The following HECTD3 variants were observed in gnomAD, a reference collection of about 807,000 sequenced individuals.
HECTD3 encodes HECT domain E3 ubiquitin protein ligase 3.
A neutral mutation model predicts 109.3 loss-of-function variants in HECTD3; 72 were observed. The ratio of observed to expected loss-of-function variants is 0.66; its 90% CI spans 0.54 to 0.80. HECTD3 has a LOEUF of 0.80. HECTD3 is among the 30% of genes least tolerant of loss of function. The pLI, the probability that HECTD3 is intolerant of heterozygous loss-of-function variation, is 0.00. For synonymous variants in HECTD3, 481 were observed against 471.8 expected, an observed-to-expected ratio of 1.02 and a Z score of -0.25; for missense variants, 1,041 against 1,165.2, an observed-to-expected ratio of 0.89 and a Z score of 1.55.
At position 45,006,363 on chromosome 1, in the gene HECTD3, T is replaced by C. The variant is rs1270720227; in HGVS notation, c.1726-247A>G. The C allele has an allele frequency of 6.0e-6, 3 of 500,558 alleles. No homozygotes were observed. Among genetic ancestry groups the C allele is most frequent in the African/African-American group, 3.9e-5 (2 of 51,344 alleles). The allele number at this position is 500,558 out of a possible 1,614,324, so 31.0% of individuals were successfully genotyped here. A position where few individuals can be genotyped will look rare whatever the true frequency, so the allele number is the denominator to read the frequency against. On this transcript the variant is annotated intron_variant, in intron 13 of 20. Transcript: ENST00000372172. This position sits in a 1 kb window ranked among gnomAD's most constrained non-coding sequence, Gnocchi z 4.7. ...CTGTGTCACCCAGGCTGGAGTGCAG[T>C]GGCGTGATCTCGGCTCACTGCAACC...
chr1:45,010,948 C>A lies in HECTD3; in HGVS notation c.310G>T (p.Val104Leu). ...CACAGCTCCTCGCCCGTGGTGCGCACGCAGGCGCCGCGCCGGAGCTCAATG... is the reference window on the plus strand; with the variant it reads ...CACAGCTCCTCGCCCGTGGTGCGCAAGCAGGCGCCGCGCCGGAGCTCAATG... The part of the protein sequence containing the change: ...DSIELRRGAC[V>L]RTTGEELCNG... Residue 104 changes from valine to leucine, a missense_variant, in exon 1 of 21, where the codon GTG (valine) becomes TTG (leucine). Val to Leu is a conservative substitution (Grantham distance 32, BLOSUM62 1). Coordinates refer to ENST00000372172, the MANE Select transcript of HECTD3 (RefSeq NM_024602.6). The A allele has an allele frequency of 1.3e-6, 2 of 1,535,830 alleles. No individual in the cohort carries two copies. Among genetic ancestry groups the A allele is most frequent in the Non-Finnish European group, 1.7e-6 (2 of 1,154,244 alleles).
In HECTD3 at chr1:45,003,213, C is replaced by T. The variant is rs1569931325; in HGVS notation, c.*279G>A. The T allele has an allele frequency of 4.2e-6, 2 of 472,770 alleles. No homozygotes were observed. The highest frequency in any genetic ancestry group is 7.3e-5 in the East Asian group (2 of 27,566). The allele number at this position is 472,770 out of a possible 1,614,324, so 29.3% of individuals were successfully genotyped here. The stretch of plus-strand genomic sequence containing the variant: ...ATGGCCCCCTTCAAGTAGCTCAGGC[C>T]TGGCAGCTTGTGCTGGGCTTGTGGA... On this transcript the variant is annotated 3_prime_UTR_variant, in exon 21 of 21. Coordinates refer to ENST00000372172, the MANE Select transcript of HECTD3 (RefSeq NM_024602.6). The surrounding 1 kb of genome is among the most constrained non-coding windows in gnomAD (Gnocchi z 4.7).
intron 10 of HECTD3, 53 bp downstream of exon 10, chr1:45,007,360 C>T: frequency 1.2e-6 from 2 of 1,606,050 alleles, no homozygotes; most frequent in East Asian, 2.2e-5. Flanking sequence ...CTTGGCCTAG[C>T]CCCCTTGGCC....
At position 45,003,392 on chromosome 1, in the gene HECTD3, G is replaced by A. The variant is rs1644707298; in HGVS notation, c.*100C>T. On this transcript the variant is annotated 3_prime_UTR_variant, in exon 21 of 21. Transcript: ENST00000372172. The surrounding 1 kb of genome is among the most constrained non-coding windows in gnomAD (Gnocchi z 4.7). ...GGAGCAGGGCACATGGGGTTTTGCT[G>A]AGCACGTCAGCCAAACCAGGGCAGG... The A allele has an allele frequency of 4.8e-6, 5 of 1,041,868 alleles. No homozygotes were observed. In the Admixed American group the frequency reaches 5.6e-5, roughly 12 times the overall value. The allele number at this position is 1,041,868 out of a possible 1,614,324, so 64.5% of individuals were successfully genotyped here.
intron 9 of HECTD3, 60 bp downstream of exon 9, chr1:45,008,180 G>C (rs1039618241): frequency 3.7e-5 from 50 of 1,348,832 alleles, no homozygotes; most frequent in Middle Eastern, 2.0e-4. Context: ...GCTAAGGAAT[G>C]AACAACTACG....
At chr1:45,007,060 C>A (rs1399168338) in intron 11 of HECTD3, 45 bp from the exon 12 acceptor site, 10 of 1,607,524 alleles carry the variant, frequency 6.2e-6, no homozygotes, top group Non-Finnish European at 8.5e-6. Flanking sequence ...GGGCCAGGTG[C>A]AGCACAATTC....
chr1:45,008,860 T>C (rs1018160708), intron 7 of HECTD3, among the ~76,000 whole-genome samples, 159 bp from the exon 8 acceptor site: 1 of 152,110 alleles, frequency 6.6e-6, no homozygotes, highest in African/African-American at 2.4e-5. Context: ...TTCTGATTGA[T>C]CTATTCCTGC....
Position 45,011,246 on chromosome 1 carries a change from A to G in HECTD3, c.12T>C (p.Pro4=). The change falls in exon 1 of 21, where the codon CCT becomes CCC. Residue 4 remains proline (P), a synonymous_variant. Transcript: ENST00000372172. MAG[P]GPGAVLESPR... Reference sequence around the variant, plus strand: ...GGGACTCCAGCACCGCGCCCGGGCCAGGACCCGCCATGGCGAAGTGGCGGA... The same window carrying G: ...GGGACTCCAGCACCGCGCCCGGGCCGGGACCCGCCATGGCGAAGTGGCGGA... 1.5e-6 allele frequency: 2 copies of G among 1,360,038 alleles called. No individual in the cohort carries two copies. Among genetic ancestry groups the G allele is most frequent in the South Asian group, 1.7e-5 (1 of 57,488 alleles). 84.2% of individuals were successfully genotyped at this position (1,360,038 alleles called of 1,614,324 possible). A position where few individuals can be genotyped will look rare whatever the true frequency, so the allele number is the denominator to read the frequency against.
At chr1:45,004,827 G>A in intron 15 of HECTD3, 21 bp from the exon 16 acceptor site, 1 of 1,606,010 alleles carries the variant, frequency 6.2e-7, no homozygotes, top group Non-Finnish European at 8.5e-7. Context: ...GAGAGAGGCA[G>A]GGAGGTAACC....
chr1:45,010,145 T>G, intron 3 of HECTD3, 24 bp from the exon 4 acceptor site: 1 of 1,613,558 alleles, frequency 6.2e-7, no homozygotes, highest in Non-Finnish European at 8.5e-7. Flanking sequence ...AGCCCCTAAT[T>G]AGACTGGGCC....
chr1:45,010,344 G>A (rs753451381), intron 2 of HECTD3, 51 bp from the exon 3 acceptor site: 4 of 1,551,634 alleles, frequency 2.6e-6, no homozygotes, highest in East Asian at 4.5e-5. Flanking sequence ...CGGTCAGCAA[G>A]ACACTACCTC....
chr1:45,009,339 C>T (rs1644763335), intron 6 of HECTD3, 30 bp downstream of exon 6: 3 of 1,574,644 alleles, frequency 1.9e-6, no homozygotes, highest in African/African-American at 1.3e-5. Flanking sequence ...GGAACATGCC[C>T]TACTTCCCTC....
rs763525446 is a variant in HECTD3 at position 45,006,069 on chromosome 1, G to A, written c.1773C>T (p.Ser591=). 1.9e-6 allele frequency: 3 copies of A among 1,614,178 alleles called. No homozygotes were observed. Among genetic ancestry groups the A allele is most frequent in the Non-Finnish European group, 2.5e-6 (3 of 1,180,032 alleles). Reference sequence around the variant, plus strand: ...ATTCATACTTGGCAAAGTCTCGGCAGGAGGGGTTGGGTACATACATGTCCC... The same window carrying A: ...ATTCATACTTGGCAAAGTCTCGGCAAGAGGGGTTGGGTACATACATGTCCC... ...EARDMYVPNP[S]CRDFAKYEWI... is the part of the protein sequence containing the mutation. The change falls in exon 14 of 21, where the codon TCC becomes TCT. Residue 591 remains serine, a synonymous_variant. Coordinates refer to ENST00000372172, the MANE Select transcript of HECTD3 (RefSeq NM_024602.6). The surrounding 1 kb of genome is among the most constrained non-coding windows in gnomAD (Gnocchi z 4.7).
chr1:45,006,883 G>A lies in HECTD3; in HGVS notation c.1621+68C>T, dbSNP rs1644740556. ...ATAGGTCCCCCATCATCATTAGCTG[G>A]TGAAAAGCCTCTACCACTTTGATAG... On this transcript the variant is annotated intron_variant, in intron 12 of 20. Transcript: ENST00000372172. This position sits in a 1 kb window ranked among gnomAD's most constrained non-coding sequence, Gnocchi z 4.7. 3.8e-6 allele frequency: 6 copies of A among 1,592,258 alleles called. No individual in the cohort carries two copies. Among genetic ancestry groups the A allele is most frequent in the East Asian group, 2.2e-5 (1 of 44,782 alleles).
At chr1:45,004,977 T>C in intron 15 of HECTD3, 171 bp from the exon 16 acceptor site, 1 of 649,032 alleles carries the variant, frequency 1.5e-6, no homozygotes, top group South Asian at 1.8e-5. Flanking sequence ...AGACAACACC[T>C]AACCAGCCTT....
At chr1:45,004,924 A>C in intron 15 of HECTD3, 118 bp from the exon 16 acceptor site, 1 of 854,858 alleles carries the variant, frequency 1.2e-6, no homozygotes, top group Non-Finnish European at 2.0e-6. Context: ...CCATGGAGGC[A>C]GCAGGGAATG....
In HECTD3 at chr1:45,006,649, A is replaced by G. The variant is rs1644738201; in HGVS notation, c.1725+43T>C. The G allele has an allele frequency of 6.5e-7, 1 of 1,539,328 alleles. No homozygotes were observed. The highest frequency in any genetic ancestry group is 8.9e-7 in the Non-Finnish European group (1 of 1,122,850). On this transcript the variant is annotated intron_variant, in intron 13 of 20. Transcript: ENST00000372172. The surrounding 1 kb of genome is among the most constrained non-coding windows in gnomAD (Gnocchi z 4.7). ...CCTCCTCTGCCCCCTTTCTAGCTCA[A>G]TCTGGCACCTGGGAGGTTTGCAGAG...
chr1:45,006,614 A>T lies in HECTD3; in HGVS notation c.1725+78T>A. Reference sequence around the variant, plus strand: ...ACTGTGCCTGCCCCCTTTCTAGCTCAATCTGGCCCCCTCCTCTGCCCCCTT... The same window carrying T: ...ACTGTGCCTGCCCCCTTTCTAGCTCTATCTGGCCCCCTCCTCTGCCCCCTT... On this transcript the variant is annotated intron_variant, in intron 13 of 20. Coordinates refer to ENST00000372172, the MANE Select transcript of HECTD3 (RefSeq NM_024602.6). The surrounding 1 kb of genome is among the most constrained non-coding windows in gnomAD (Gnocchi z 4.7). 1.6e-6 allele frequency: 2 copies of T among 1,255,710 alleles called. No homozygotes were observed. Among genetic ancestry groups the T allele is most frequent in the South Asian group, 2.7e-5 (2 of 73,720 alleles). 77.8% of individuals were successfully genotyped at this position (1,255,710 alleles called of 1,614,324 possible). A position where few individuals can be genotyped will look rare whatever the true frequency, so the allele number is the denominator to read the frequency against.
In HECTD3 at chr1:45,011,313, G is replaced by T. The variant is rs1644791970; in HGVS notation, c.-56C>A. 5.2e-6 allele frequency: 7 copies of T among 1,350,810 alleles called. No homozygotes were observed. Among genetic ancestry groups the T allele is most frequent in the Non-Finnish European group, 9.5e-7 (1 of 1,057,006 alleles). The allele number at this position is 1,350,810 out of a possible 1,614,324, so 83.7% of individuals were successfully genotyped here. A position where few individuals can be genotyped will look rare whatever the true frequency, so the allele number is the denominator to read the frequency against. On this transcript the variant is annotated 5_prime_UTR_variant, in exon 1 of 21. Transcript: ENST00000372172. Reference sequence around the variant, plus strand: ...CGACCCTGCCCGGGGAACAGCTGGCGCGACCGCGGACAGAGCTTCCCACCA... The same window carrying T: ...CGACCCTGCCCGGGGAACAGCTGGCTCGACCGCGGACAGAGCTTCCCACCA...
Sources: gnomAD v4.1 joint callset for allele counts (sites outside exome capture counted in the v4.1 genomes callset) on GRCh38, gnomAD v4.1.1 for gene constraint, Gnocchi (gnomAD v3.1) non-coding constraint, MANE v1.5 for transcripts, NCBI Gene and HGNC (gene_info 2026-07-23, HGNC 2026-07-21) for gene names.